GORASP2: variants seen among roughly 807,000 people sequenced by gnomAD.
GORASP2 encodes golgi reassembly stacking protein 2.
GORASP2 carries 22 observed loss-of-function variants against 45.7 expected under a neutral mutation model. That is an observed-to-expected ratio of 0.48 (90% CI 0.34 to 0.69). The LOEUF is 0.69. Among genes scored for constraint, GORASP2 ranks in the 30% least tolerant of loss-of-function variants. The probability of loss-of-function intolerance (pLI) is 0.01; values close to 1 mark genes in which losing one functional copy is unlikely to be tolerated. For synonymous variants in GORASP2, 221 were observed against 215.6 expected (o/e 1.02, Z -0.22); for missense variants, 491 against 562.7 (o/e 0.87, Z 1.29).
At chr2:170,941,411 G>A (rs529673947) in intron 1 of GORASP2, among the ~76,000 whole-genome samples, 1 of 152,252 alleles carries the variant, frequency 6.6e-6, no homozygotes, top group East Asian at 1.9e-4. Context: ...TTTTGATACA[G>A]GGAGCATCTT....
chr2:170,956,902 A>G (rs1373180495), intron 7 of GORASP2, among the ~76,000 whole-genome samples: 1 of 152,210 alleles, frequency 6.6e-6, no homozygotes, highest in Non-Finnish European at 1.5e-5. Context: ...CGACAGAGTG[A>G]AAAATTTAAA....
chr2:170,966,059 G>A lies in GORASP2; in HGVS notation c.1288G>A (p.Gly430Ser), dbSNP rs112158186. The change falls in exon 10 of 10, where the codon GGC becomes AGC. Residue 430 changes from glycine to serine, a missense_variant. Gly to Ser is a moderately conservative substitution (Grantham distance 56, BLOSUM62 0). Transcript: ENST00000234160. ...KAPTTVEDRV[G>S]DSTPVSEKPV... ...CCCCACCACCGTTGAGGACAGAGTCGGCGACTCCACCCCAGTCAGCGAGAA... is the reference window on the plus strand; with the variant it reads ...CCCCACCACCGTTGAGGACAGAGTCAGCGACTCCACCCCAGTCAGCGAGAA... 324 of 1,614,028 alleles carry A rather than the reference G, an allele frequency of 2.0e-4. No homozygotes were observed. Among genetic ancestry groups the A allele is most frequent in the African/African-American group, 3.7e-4 (28 of 75,020 alleles).
chr2:170,943,467 C>G (rs1291850643), intron 1 of GORASP2, among the ~76,000 whole-genome samples: 1 of 152,174 alleles, frequency 6.6e-6, no homozygotes, highest in Non-Finnish European at 1.5e-5. Flanking sequence ...ATTTCATAAA[C>G]TTAACTCATT....
chr2:170,963,059 C>A, intron 9 of GORASP2, 113 bp downstream of exon 9: 1 of 703,374 alleles, frequency 1.4e-6, no homozygotes, highest in South Asian at 1.6e-5. Context: ...CAGATTTCAG[C>A]TACTTCAAAT....
At position 170,950,103 on chromosome 2, in the gene GORASP2, A is replaced by C. The variant is rs149066117; in HGVS notation, c.349-101A>C. ...GACACATCTCTAGCAAGACAGAAGT[A>C]TACAGATTTAAAAAATCAACATAAT... On this transcript the variant is annotated intron_variant, in intron 3 of 9. Transcript: ENST00000234160. 2.6e-5 allele frequency: 17 copies of C among 641,786 alleles called. No individual in the cohort carries two copies. The African/African-American group carries it at 3.1e-4, about 12-fold the overall frequency. 39.8% of individuals were successfully genotyped at this position (641,786 alleles called of 1,614,324 possible). A position where few individuals can be genotyped will look rare whatever the true frequency, so the allele number is the denominator to read the frequency against.
At chr2:170,961,621 A>G (rs1305547463) in intron 7 of GORASP2, 42 bp from the exon 8 acceptor site, 3 of 1,052,946 alleles carry the variant, frequency 2.8e-6, no homozygotes, top group Non-Finnish European at 3.0e-6. Context: ...TTTCTTGTCG[A>G]CTAAATTTGT....
intron 1 of GORASP2, among the ~76,000 whole-genome samples, chr2:170,932,910 G>C (rs966103954): frequency 6.6e-6 from 1 of 152,200 alleles, no homozygotes; most frequent in African/African-American, 2.4e-5. Flanking sequence ...AACACAGATA[G>C]AATGCTACAC....
At chr2:170,942,876 C>A (rs572317336) in intron 1 of GORASP2, among the ~76,000 whole-genome samples, 1 of 152,278 alleles carries the variant, frequency 6.6e-6, no homozygotes, top group South Asian at 2.1e-4. Context: ...GCTTGTTACT[C>A]TCTTTTTAAT....
intron 6 of GORASP2, among the ~76,000 whole-genome samples, chr2:170,955,588 TAC>T (rs1294275415): frequency 2.0e-5 from 3 of 152,252 alleles, no homozygotes; most frequent in Admixed American, 1.3e-4. Flanking sequence ...TGGTTTTGTC[TAC>T]ACAGTTTGGC....
intron 1 of GORASP2, among the ~76,000 whole-genome samples, chr2:170,939,777 T>A (rs916227474): frequency 6.6e-6 from 1 of 151,922 alleles, no homozygotes; most frequent in African/African-American, 2.4e-5. Context: ...CCCTCCTCAC[T>A]AAAAAAAATG....
rs368235485 is a variant in GORASP2, at chr2:170,949,534, C to A, written c.145-5C>A. 1.9e-5 allele frequency: 30 copies of A among 1,608,968 alleles called. No individual in the cohort carries two copies. The highest frequency in any genetic ancestry group is 2.5e-5 in the Non-Finnish European group (29 of 1,175,740). Reference sequence around the variant, plus strand: ...CTAAGGAATGTGATTTCTATGTGTTCACAGAATAAAGACAATGACACTCTT... The same window carrying A: ...CTAAGGAATGTGATTTCTATGTGTTAACAGAATAAAGACAATGACACTCTT... On this transcript the variant is annotated splice_polypyrimidine_tract_variant and splice_region_variant and intron_variant, in intron 2 of 9. Coordinates refer to ENST00000234160, the MANE Select transcript of GORASP2 (RefSeq NM_015530.5).
intron 9 of GORASP2, among the ~76,000 whole-genome samples, chr2:170,963,246 G>A (rs1329231147): frequency 2.0e-5 from 3 of 151,834 alleles, no homozygotes; most frequent in African/African-American, 7.3e-5. Flanking sequence ...ATGGTGGCAG[G>A]TGCCTGTAGT....
intron 9 of GORASP2, among the ~76,000 whole-genome samples, chr2:170,964,892 A>ATTTT (rs1199571345): frequency 8.5e-4 from 55 of 64,702 alleles, no homozygotes; most frequent in African/African-American, 1.2e-3. Context: ...ATGCATTTTA[A>ATTTT]TTTTTTTTTT....
At chr2:170,946,173 G>A (rs902425734) in intron 1 of GORASP2, among the ~76,000 whole-genome samples, 4 of 151,870 alleles carry the variant, frequency 2.6e-5, no homozygotes, top group Non-Finnish European at 5.9e-5. Context: ...CCCCATACCT[G>A]GCTAATTTTT....
At chr2:170,961,144 A>G (rs1225614532) in intron 7 of GORASP2, among the ~76,000 whole-genome samples, 1 of 152,250 alleles carries the variant, frequency 6.6e-6, no homozygotes, top group East Asian at 1.9e-4. Context: ...ATGGACATTC[A>G]GGAAGCCAAG....
chr2:170,947,750 T>A (rs1704210927), intron 1 of GORASP2, among the ~76,000 whole-genome samples: 1 of 152,142 alleles, frequency 6.6e-6, no homozygotes, highest in Non-Finnish European at 1.5e-5. Context: ...TGCTAATTGC[T>A]GAGAGGATTA....
intron 5 of GORASP2, 54 bp from the exon 6 acceptor site, chr2:170,954,596 A>T: frequency 1.3e-6 from 2 of 1,520,524 alleles, no homozygotes; most frequent in Non-Finnish European, 1.8e-6. Context: ...AAAACACCTC[A>T]AAGAAATACA....
At chr2:170,930,277 C>G (rs1272422923) in intron 1 of GORASP2, among the ~76,000 whole-genome samples, 2 of 152,230 alleles carry the variant, frequency 1.3e-5, no homozygotes, top group African/African-American at 4.8e-5. Flanking sequence ...GTCTTTTCCT[C>G]ATGGAACCGG....
At chr2:170,965,682 C>T (rs1704667860) in intron 9 of GORASP2, 108 bp from the exon 10 acceptor site, 3 of 805,974 alleles carry the variant, frequency 3.7e-6, no homozygotes, top group Admixed American at 2.0e-5. Context: ...GTGTTACCTC[C>T]TCAACTTCAG....
Sources: gnomAD v4.1 joint callset for allele counts (sites outside exome capture counted in the v4.1 genomes callset) on GRCh38, gnomAD v4.1.1 for gene constraint, MANE v1.5 for transcripts, NCBI Gene and HGNC (gene_info 2026-07-23, HGNC 2026-07-21) for gene names.